DLG2: variants seen among roughly 807,000 people sequenced by gnomAD.
The protein encoded by DLG2 is disks large homolog 2.
A neutral mutation model predicts 132.5 loss-of-function variants in DLG2; 45 were observed. That is an observed-to-expected ratio of 0.34 (90% CI 0.27 to 0.44). The LOEUF (loss-of-function observed/expected upper bound fraction) is 0.44. Among genes scored for constraint, DLG2 ranks in the 20% least tolerant of loss-of-function variants. The pLI is 1.00. For missense variants in DLG2, 1,045 were observed against 1,196.9 expected, an observed-to-expected ratio of 0.87 and a Z score of 1.87; for synonymous variants, 424 against 419.6, an observed-to-expected ratio of 1.01 and a Z score of -0.13.
chr11:84,815,636 A>C (rs1446430350), intron 6 of DLG2, among the ~76,000 whole-genome samples: 5 of 152,118 alleles, frequency 3.3e-5, no homozygotes, highest in Non-Finnish European at 7.4e-5. Flanking sequence ...TCCTTCATTA[A>C]GAAGAAAATT....
At chr11:83,996,726 A>G (rs899293414) in intron 11 of DLG2, among the ~76,000 whole-genome samples, 2 of 152,148 alleles carry the variant, frequency 1.3e-5, no homozygotes, top group African/African-American at 4.8e-5. Context: ...CAGAAAGACA[A>G]ACATCTCATG....
intron 6 of DLG2, among the ~76,000 whole-genome samples, chr11:84,839,729 C>A (rs576652067): frequency 7.9e-5 from 12 of 151,892 alleles, no homozygotes; most frequent in South Asian, 2.1e-4. Context: ...CACAAAAACA[C>A]GAAATGGGGA....
intron 7 of DLG2, among the ~76,000 whole-genome samples, chr11:84,502,292 T>C (rs1456042778): frequency 0.11 from 352 of 3,108 alleles, 38 homozygotes; most frequent in African/African-American, 0.26. Context: ...CTTTCTTTCT[T>C]TCTTTCTTTC....
chr11:84,615,711 G>A (rs1333851638), intron 6 of DLG2, among the ~76,000 whole-genome samples: 1 of 150,106 alleles, frequency 6.7e-6, no homozygotes, highest in African/African-American at 2.5e-5. Flanking sequence ...CAAAATAGAG[G>A]CTGGTGACCT....
chr11:84,894,353 C>T lies in DLG2; in HGVS notation c.357+217308G>A, dbSNP rs551093230. On this transcript the variant is annotated intron_variant, in intron 6 of 27. Transcript: ENST00000376104. ...TTGTCCCTTCCAACTTCTCCCACTT[C>T]CTCTTCTGCTCACTCTTCTTTACCA... 4.1e-4 allele frequency among the ~76,000 whole-genome samples: 63 copies of T among 152,308 alleles called. No homozygotes were observed. In the South Asian group the frequency reaches 0.011, roughly 27 times the overall value.
chr11:84,363,140 T>C (rs928002960), intron 7 of DLG2, among the ~76,000 whole-genome samples: 4 of 151,650 alleles, frequency 2.6e-5, no homozygotes, highest in South Asian at 2.1e-4. Context: ...TGTAAAAGTG[T>C]TCCTATTTCT....
chr11:85,422,804 T>C (rs1161499832), intron 3 of DLG2, among the ~76,000 whole-genome samples: 3 of 152,150 alleles, frequency 2.0e-5, no homozygotes, highest in African/African-American at 7.2e-5. Context: ...TTGGTTTTTA[T>C]TTCTGCTATC....
chr11:84,788,504 T>G (rs2073304257), intron 6 of DLG2, among the ~76,000 whole-genome samples: 1 of 152,112 alleles, frequency 6.6e-6, no homozygotes, highest in Non-Finnish European at 1.5e-5. Context: ...TACCTTTGAG[T>G]GCATTTTCTC....
chr11:84,520,659 C>A (rs993660956), intron 7 of DLG2, among the ~76,000 whole-genome samples: 5 of 152,028 alleles, frequency 3.3e-5, no homozygotes, highest in Non-Finnish European at 7.4e-5. Context: ...TTCCATTGAC[C>A]ATTCTAGAAA....
At chr11:83,954,127 T>C (rs1353210444) in intron 14 of DLG2, among the ~76,000 whole-genome samples, 2 of 152,224 alleles carry the variant, frequency 1.3e-5, no homozygotes, top group South Asian at 2.1e-4. Context: ...TAAATATCTA[T>C]AGGAGCCGGT....
chr11:85,542,374 A>G (rs1303951102), intron 3 of DLG2, among the ~76,000 whole-genome samples: 1 of 152,224 alleles, frequency 6.6e-6, no homozygotes, highest in Non-Finnish European at 1.5e-5. Flanking sequence ...CAAACAAATG[A>G]TATTATACCT....
chr11:83,831,071 A>G (rs923470616), intron 17 of DLG2, among the ~76,000 whole-genome samples: 2 of 152,222 alleles, frequency 1.3e-5, no homozygotes, highest in African/African-American at 4.8e-5. Flanking sequence ...TTCATTCGAT[A>G]AACACTTCTT....
chr11:83,871,682 C>T (rs1014428884), intron 16 of DLG2, among the ~76,000 whole-genome samples: 4 of 147,526 alleles, frequency 2.7e-5, no homozygotes, highest in African/African-American at 1.0e-4. Context: ...ATGTATAGCA[C>T]AAATTTTTGT....
chr11:84,607,652 C>T (rs189790279), intron 6 of DLG2, among the ~76,000 whole-genome samples: 19 of 152,028 alleles, frequency 1.2e-4, no homozygotes, highest in Non-Finnish European at 2.1e-4. Context: ...AGTGCATGGA[C>T]TCTAGAGCAA....
intron 11 of DLG2, among the ~76,000 whole-genome samples, chr11:84,004,432 T>C (rs567952311): frequency 6.6e-6 from 1 of 152,036 alleles, no homozygotes; most frequent in Non-Finnish European, 1.5e-5. Flanking sequence ...AGAAAAAATA[T>C]ACTTCCAAAT....
intron 21 of DLG2, among the ~76,000 whole-genome samples, chr11:83,507,982 C>T (rs1177277310): frequency 2.6e-5 from 4 of 151,408 alleles, no homozygotes; most frequent in African/African-American, 7.3e-5. Context: ...TTAGGCCAGT[C>T]TAGTCTTTTC....
intron 17 of DLG2, among the ~76,000 whole-genome samples, chr11:83,822,728 C>T (rs1257127864): frequency 1.3e-5 from 2 of 152,180 alleles, no homozygotes; most frequent in Non-Finnish European, 2.9e-5. Flanking sequence ...GTTCCTCAGG[C>T]TTCCTGAAGA....
intron 6 of DLG2, among the ~76,000 whole-genome samples, chr11:85,034,114 G>T (rs1341059000): frequency 1.4e-5 from 2 of 143,914 alleles, no homozygotes; most frequent in African/African-American, 2.6e-5. Context: ...GTCTTACTCT[G>T]TTACCCAGGC....
chr11:83,853,528 A>G (rs2060088073), intron 16 of DLG2, among the ~76,000 whole-genome samples: 1 of 152,208 alleles, frequency 6.6e-6, no homozygotes, highest in African/African-American at 2.4e-5. Flanking sequence ...TTAGAAGAGT[A>G]AACTAGAAAT....
Sources: gnomAD v4.1 joint callset for allele counts (sites outside exome capture counted in the v4.1 genomes callset) on GRCh38, gnomAD v4.1.1 for gene constraint, MANE v1.5 for transcripts, NCBI Gene and HGNC (gene_info 2026-07-23, HGNC 2026-07-21) for gene names.